MRRF: variants seen among roughly 807,000 people sequenced by gnomAD.
The protein encoded by MRRF is ribosome-recycling factor, mitochondrial.
MRRF carries 18 observed loss-of-function variants against 25.1 expected under a neutral mutation model. The observed-to-expected ratio is 0.72, with a 90% confidence interval of 0.50 to 1.06. The LOEUF is 1.06. MRRF is among the 50% of genes least tolerant of loss of function. The probability of loss-of-function intolerance (pLI) is 0.00; values close to 1 mark genes in which losing one functional copy is unlikely to be tolerated. For missense variants in MRRF, 323 were observed against 319.3 expected (o/e 1.01, Z -0.09); for synonymous variants, 113 against 112.1 (o/e 1.01, Z -0.05).
At chr9:122,265,400 T>C (rs1265331495) in intron 1 of MRRF, 2 of 245,592 alleles carry the variant, frequency 8.1e-6, no homozygotes, top group Admixed American at 5.2e-5. Context: ...CAGTTGTCAT[T>C]TCAGTAGCCC....
At chr9:122,318,098 T>C (rs1468394647) in intron 6 of MRRF, among the ~76,000 whole-genome samples, 2 of 152,102 alleles carry the variant, frequency 1.3e-5, no homozygotes, top group Non-Finnish European at 2.9e-5. Flanking sequence ...ATCGCGCCAC[T>C]ACATTCCAGC....
At chr9:122,279,840 T>G (rs901955749) in intron 2 of MRRF, among the ~76,000 whole-genome samples, 2 of 152,228 alleles carry the variant, frequency 1.3e-5, no homozygotes, top group African/African-American at 4.8e-5. Context: ...AGTGTCCATT[T>G]TTAATGAATT....
chr9:122,277,494 T>A (rs186872891), intron 2 of MRRF, among the ~76,000 whole-genome samples: 1 of 152,348 alleles, frequency 6.6e-6, no homozygotes, highest in African/African-American at 2.4e-5. Flanking sequence ...ACTTGTCATT[T>A]TGATCCATTT....
chr9:122,278,136 C>CCT (rs942398496), intron 2 of MRRF, among the ~76,000 whole-genome samples: 1 of 149,958 alleles, frequency 6.7e-6, no homozygotes. Flanking sequence ...TTTCTTTATC[C>CCT]CTCTCTCTCT....
At position 122,265,864 on chromosome 9, in the gene MRRF, C is replaced by T. The variant is rs905890225; in HGVS notation, c.-29+926C>T. 23 of 748,666 alleles carry T rather than the reference C, an allele frequency of 3.1e-5. No homozygotes were observed. The Admixed American group carries it at 5.1e-4, about 17-fold the overall frequency. 46.4% of individuals were successfully genotyped at this position (748,666 alleles called of 1,614,324 possible). On this transcript the variant is annotated intron_variant, in intron 1 of 6. Transcript: ENST00000344641. Reference sequence around the variant, plus strand: ...TTAAAGTGTCTCATTCCTTCTTTGGCCGTGCCAGGTGCATAATGATTCTGT... The same window carrying T: ...TTAAAGTGTCTCATTCCTTCTTTGGTCGTGCCAGGTGCATAATGATTCTGT...
At chr9:122,291,889 C>T in intron 5 of MRRF, 49 bp downstream of exon 5, 4 of 1,353,996 alleles carry the variant, frequency 3.0e-6, no homozygotes, top group Non-Finnish European at 4.2e-6. Context: ...GGTGGTTGTC[C>T]TTGGAAGGAA....
At position 122,270,542 on chromosome 9, in the gene MRRF, A is replaced by G. The variant is rs1252526850; in HGVS notation, c.-28-322A>G. ...GTGCTTTTTCTCATGTAAGGGTTTA[A>G]TTAGCATCATTAAAGTTTTAGTCTG... is the stretch of plus-strand genomic sequence containing the variant. On this transcript the variant is annotated intron_variant, in intron 1 of 6. Coordinates refer to ENST00000344641, the MANE Select transcript of MRRF (RefSeq NM_138777.5). Among the ~76,000 whole-genome samples the G allele has an allele frequency of 1.1e-3, 161 of 152,306 alleles. 4 individuals carry two copies. The highest frequency in any genetic ancestry group is 1.0e-4 in the Non-Finnish European group (7 of 68,034).
At chr9:122,301,212 G>A (rs1057306413) in intron 5 of MRRF, among the ~76,000 whole-genome samples, 1 of 152,100 alleles carries the variant, frequency 6.6e-6, no homozygotes, top group African/African-American at 2.4e-5. Flanking sequence ...TCTTTCTCAC[G>A]TGTTTATTCC....
chr9:122,302,411 T>G (rs1834531539), intron 5 of MRRF, among the ~76,000 whole-genome samples: 1 of 152,236 alleles, frequency 6.6e-6, no homozygotes, highest in Non-Finnish European at 1.5e-5. Context: ...TCTATCTCTG[T>G]GGGTTTCCTA....
chr9:122,318,011 T>C (rs1835645405), intron 6 of MRRF, among the ~76,000 whole-genome samples: 1 of 151,958 alleles, frequency 6.6e-6, no homozygotes, highest in Admixed American at 6.6e-5. Flanking sequence ...GTGGTGGGCA[T>C]CTGTAGTCCC....
intron 5 of MRRF, among the ~76,000 whole-genome samples, chr9:122,309,909 G>T (rs139158840): frequency 2.8e-4 from 42 of 152,288 alleles, no homozygotes; most frequent in African/African-American, 9.9e-4. Context: ...AAGTCATCTT[G>T]CCATAGCATA....
At chr9:122,278,886 CT>C (rs915007885) in intron 2 of MRRF, among the ~76,000 whole-genome samples, 240 of 146,648 alleles carry the variant, frequency 1.6e-3, no homozygotes, top group African/African-American at 4.3e-3. Flanking sequence ...AGATCCACAT[CT>C]TTTTTTTTTT....
chr9:122,297,723 G>C (rs989931719), intron 5 of MRRF, among the ~76,000 whole-genome samples: 1 of 152,176 alleles, frequency 6.6e-6, no homozygotes, highest in Non-Finnish European at 1.5e-5. Flanking sequence ...TGCAGAATGT[G>C]GGGGATGCTG....
In MRRF at chr9:122,313,264, G is replaced by A. The variant is rs1564511962; in HGVS notation, c.589G>A (p.Ala197Thr). The change falls in exon 6 of 7, where the codon GCC (alanine) becomes ACC (threonine). Residue 197 changes from alanine to threonine, a missense_variant. Ala to Thr is a moderately conservative substitution (Grantham distance 58, BLOSUM62 0). Coordinates refer to ENST00000344641, the MANE Select transcript of MRRF (RefSeq NM_138777.5). ...REHREMLVKL[A>T]KQNTNKAKDS... ...GCACAGAGAAATGCTGGTGAAACTG[G>A]CCAAACAGAACACCAACAAGGCCAA... is the stretch of plus-strand genomic sequence containing the variant. 6.2e-7 allele frequency: 1 copy of A among 1,614,058 alleles called. No homozygotes were observed. The highest frequency in any genetic ancestry group is 1.1e-5 in the South Asian group (1 of 91,078).
At chr9:122,313,460 A>T in intron 6 of MRRF, 74 bp downstream of exon 6, 1 of 1,451,806 alleles carries the variant, frequency 6.9e-7, no homozygotes, top group South Asian at 1.1e-5. Flanking sequence ...TGAGGTGAGG[A>T]CAGTTAAAAC....
chr9:122,265,668 T>G, intron 1 of MRRF: 2 of 905,682 alleles, frequency 2.2e-6, no homozygotes, highest in South Asian at 2.7e-5. Context: ...AAACAAAATC[T>G]ACGTAGGAGA....
At chr9:122,274,459 C>G (rs1224206179) in intron 2 of MRRF, among the ~76,000 whole-genome samples, 2 of 151,818 alleles carry the variant, frequency 1.3e-5, no homozygotes, top group East Asian at 3.9e-4. Context: ...TAGTTGGAGA[C>G]CTGCCTGGCC....
At chr9:122,307,692 A>G (rs1834940922) in intron 5 of MRRF, among the ~76,000 whole-genome samples, 2 of 152,142 alleles carry the variant, frequency 1.3e-5, no homozygotes, top group Non-Finnish European at 2.9e-5. Context: ...GTAGGAGAAA[A>G]CTGAGTTTGG....
Position 122,324,575 on chromosome 9 carries a change from T to C in MRRF, c.*1958T>C, listed in dbSNP as rs1007683898. The C allele has an allele frequency of 6.6e-6, 1 of 152,230 alleles. No individual in the cohort carries two copies. Among genetic ancestry groups the C allele is most frequent in the African/African-American group, 2.4e-5 (1 of 41,454 alleles). The allele number at this position is 152,230 out of a possible 1,614,324, so 9.4% of individuals were successfully genotyped here. A position where few individuals can be genotyped will look rare whatever the true frequency, so the allele number is the denominator to read the frequency against. Reference sequence around the variant, plus strand: ...GGGGTACATAGTGCACTGAACTAAATTGCTGTCTATAATAATCTATTGGGT... The same window carrying C: ...GGGGTACATAGTGCACTGAACTAAACTGCTGTCTATAATAATCTATTGGGT... On this transcript the variant is annotated 3_prime_UTR_variant, in exon 7 of 7. Transcript: ENST00000344641.
Sources: gnomAD v4.1 joint callset for allele counts (sites outside exome capture counted in the v4.1 genomes callset) on GRCh38, gnomAD v4.1.1 for gene constraint, MANE v1.5 for transcripts, NCBI Gene and HGNC (gene_info 2026-07-23, HGNC 2026-07-21) for gene names.